Variants in RADIL observed in about 807,000 individuals in gnomAD.
RADIL encodes ras-associating and dilute domain-containing protein.
A neutral mutation model predicts 97.6 loss-of-function variants in RADIL; 99 were observed. The observed-to-expected ratio is 1.01, with a 90% confidence interval of 0.86 to 1.20. The LOEUF (loss-of-function observed/expected upper bound fraction) is 1.20. Among genes scored for constraint, RADIL ranks in the 50% most tolerant of loss-of-function variants. RADIL has a pLI of 0.00. For missense variants in RADIL, 1,765 were observed against 1,498.9 expected, an observed-to-expected ratio of 1.18 and a Z score of -2.93; for synonymous variants, 803 against 691.8, an observed-to-expected ratio of 1.16 and a Z score of -2.52.
intron 4 of RADIL, among the ~76,000 whole-genome samples, chr7:4,833,061 C>T (rs1490037351): frequency 6.6e-6 from 1 of 152,170 alleles, no homozygotes; most frequent in African/African-American, 2.4e-5. Context: ...GCCTCTGTTT[C>T]AGAGCCTGTA....
In RADIL at chr7:4,819,672, C is replaced by T. The variant is rs1037095174; in HGVS notation, c.1616-2321G>A. ...TGACAACAGCCACGTGACCCACCCT[C>T]GGGACGCGACAGCCCTGCTCTCCGA... On this transcript the variant is annotated intron_variant, in intron 6 of 14. Coordinates refer to ENST00000399583, the MANE Select transcript of RADIL (RefSeq NM_018059.5). The surrounding 1 kb of genome is among the most constrained non-coding windows in gnomAD (Gnocchi z 5.8). Among the ~76,000 whole-genome samples, 9 of 152,212 alleles carry T rather than the reference C, an allele frequency of 5.9e-5. No homozygotes were observed. Among genetic ancestry groups the T allele is most frequent in the East Asian group, 1.9e-4 (1 of 5,186 alleles).
chr7:4,834,186 G>A lies in RADIL; in HGVS notation c.1416+421C>T, dbSNP rs1031556387. 3.9e-5 allele frequency among the ~76,000 whole-genome samples: 6 copies of A among 152,178 alleles called. No individual in the cohort carries two copies. Among genetic ancestry groups the A allele is most frequent in the Non-Finnish European group, 8.8e-5 (6 of 68,034 alleles). ...CGGCCCCTGGCAGCAAGCACAGGGCGCCGGCACACACAGGGGCTTCTGGGG... is the reference window on the plus strand; with the variant it reads ...CGGCCCCTGGCAGCAAGCACAGGGCACCGGCACACACAGGGGCTTCTGGGG... On this transcript the variant is annotated intron_variant, in intron 4 of 14. Coordinates refer to ENST00000399583, the MANE Select transcript of RADIL (RefSeq NM_018059.5). This position sits in a 1 kb window ranked among gnomAD's most constrained non-coding sequence, Gnocchi z 6.0.
chr7:4,838,916 G>A (rs577571950), intron 2 of RADIL, among the ~76,000 whole-genome samples: 6 of 152,360 alleles, frequency 3.9e-5, no homozygotes, highest in African/African-American at 1.4e-4. Context: ...GGAACAGCCA[G>A]CAGGACCCGT....
At position 4,819,587 on chromosome 7, in the gene RADIL, G is replaced by A. The variant is rs1028667768; in HGVS notation, c.1616-2236C>T. Among the ~76,000 whole-genome samples the A allele has an allele frequency of 2.0e-5, 3 of 152,200 alleles. No homozygotes were observed. Among genetic ancestry groups the A allele is most frequent in the Non-Finnish European group, 4.4e-5 (3 of 68,032 alleles). ...AGGAGAATCTGAGGCGCACACGATG[G>A]TGTGAGGCGGCGCGGGAGGGGCCTG... On this transcript the variant is annotated intron_variant, in intron 6 of 14. Coordinates refer to ENST00000399583, the MANE Select transcript of RADIL (RefSeq NM_018059.5). The surrounding 1 kb of genome is among the most constrained non-coding windows in gnomAD (Gnocchi z 5.8).
Position 4,815,590 on chromosome 7 carries a change from C to A in RADIL, c.1967-140G>T, listed in dbSNP as rs1782656465. 1.0e-6 allele frequency: 1 copy of A among 990,848 alleles called. No homozygotes were observed. Among genetic ancestry groups the A allele is most frequent in the African/African-American group, 1.7e-5 (1 of 60,056 alleles). 61.4% of individuals were successfully genotyped at this position (990,848 alleles called of 1,614,324 possible). On this transcript the variant is annotated intron_variant, in intron 8 of 14. Coordinates refer to ENST00000399583, the MANE Select transcript of RADIL (RefSeq NM_018059.5). This position sits in a 1 kb window ranked among gnomAD's most constrained non-coding sequence, Gnocchi z 8.0. ...CTCGATGACAGGCAGGACACCTTCC[C>A]TCGGTTTTCAAGGCAACTGACCAGC...
Position 4,868,354 on chromosome 7 carries a change from G to A in RADIL, c.535+9251C>T, listed in dbSNP as rs571981346. The stretch of plus-strand genomic sequence containing the variant: ...CGGGATTACAGGTGTGAGCCACCTT[G>A]CCCGGCCATGAACTGTTGTTTTTTA... On this transcript the variant is annotated intron_variant, in intron 2 of 14. Transcript: ENST00000399583. 1.8e-4 allele frequency among the ~76,000 whole-genome samples: 27 copies of A among 152,318 alleles called. No homozygotes were observed. In the South Asian group the frequency reaches 5.2e-3, roughly 29 times the overall value.
At chr7:4,844,247 C>T (rs1241969196) in intron 2 of RADIL, among the ~76,000 whole-genome samples, 1 of 152,066 alleles carries the variant, frequency 6.6e-6, no homozygotes, top group East Asian at 1.9e-4. Flanking sequence ...AGATCGAGAC[C>T]ATCCTGGCCA....
rs530221968 is a variant in RADIL at position 4,817,772 on chromosome 7, C to T, written c.1616-421G>A. Among the ~76,000 whole-genome samples, 1 of 152,354 alleles carries T rather than the reference C, an allele frequency of 6.6e-6. No individual in the cohort carries two copies. Among genetic ancestry groups the T allele is most frequent in the Non-Finnish European group, 1.5e-5 (1 of 68,032 alleles). Reference sequence around the variant, plus strand: ...CAGCAGCCCCTGAGTGGCCGCCACTCTGTGGAATCATAAGTCTTTTGGGAA... The same window carrying T: ...CAGCAGCCCCTGAGTGGCCGCCACTTTGTGGAATCATAAGTCTTTTGGGAA... On this transcript the variant is annotated intron_variant, in intron 6 of 14. Transcript: ENST00000399583. The surrounding 1 kb of genome is among the most constrained non-coding windows in gnomAD (Gnocchi z 8.3).
At chr7:4,801,352 G>C (rs992800800) in intron 12 of RADIL, among the ~76,000 whole-genome samples, 5 of 152,186 alleles carry the variant, frequency 3.3e-5, no homozygotes, top group African/African-American at 1.2e-4. Flanking sequence ...CACTGGCTCA[G>C]CCATCCCTTC....
intron 9 of RADIL, chr7:4,808,907 C>G: frequency 4.3e-6 from 4 of 919,950 alleles, no homozygotes; most frequent in Non-Finnish European, 5.0e-6. Context: ...TCCGACGCCA[C>G]TGCCCCCCCA....
intron 2 of RADIL, among the ~76,000 whole-genome samples, chr7:4,862,418 T>C (rs959442384): frequency 1.3e-5 from 2 of 152,204 alleles, no homozygotes; most frequent in African/African-American, 4.8e-5. Flanking sequence ...GGGCAGCATT[T>C]CGAGGTCGAC....
Position 4,832,132 on chromosome 7 carries a change from C to CATACT in RADIL, c.1454+4_1454+8dup, listed in dbSNP as rs1262494286. 6 of 1,607,342 alleles carry CATACT rather than the reference C, an allele frequency of 3.7e-6. No individual in the cohort carries two copies. The highest frequency in any genetic ancestry group is 5.1e-6 in the Non-Finnish European group (6 of 1,175,534). On this transcript the variant is annotated intron_variant, in intron 5 of 14. Coordinates refer to ENST00000399583, the MANE Select transcript of RADIL (RefSeq NM_018059.5). The stretch of plus-strand genomic sequence containing the variant: ...CCAGAGGCGGGCACAATAACCGGGT[C>CATACT]ATACTCACAGTTGCGCCTGCTTCTC...
chr7:4,848,386 T>A (rs10229247), intron 2 of RADIL, among the ~76,000 whole-genome samples: 69,151 of 151,702 alleles, frequency 0.46, 16,212 homozygotes, highest in African/African-American at 0.55. Context: ...AAGACATTTC[T>A]TTACGTCATA....
chr7:4,832,138 C>T lies in RADIL; in HGVS notation c.1454+3G>A, dbSNP rs1023283145. 11 of 1,608,892 alleles carry T rather than the reference C, an allele frequency of 6.8e-6. No individual in the cohort carries two copies. The highest frequency in any genetic ancestry group is 7.6e-6 in the Non-Finnish European group (9 of 1,176,718). On this transcript the variant is annotated splice_donor_region_variant and intron_variant, in intron 5 of 14. Coordinates refer to ENST00000399583, the MANE Select transcript of RADIL (RefSeq NM_018059.5). Reference sequence around the variant, plus strand: ...GCGGGCACAATAACCGGGTCATACTCACAGTTGCGCCTGCTTCTCTGCTAG... The same window carrying T: ...GCGGGCACAATAACCGGGTCATACTTACAGTTGCGCCTGCTTCTCTGCTAG...
intron 9 of RADIL, 198 bp from the exon 10 acceptor site, chr7:4,805,914 G>A (rs1782290516): frequency 1.0e-6 from 1 of 985,374 alleles, no homozygotes; most frequent in African/African-American, 1.7e-5. Flanking sequence ...AGCTGCTCCA[G>A]GGAGAGGCCG....
intron 5 of RADIL, among the ~76,000 whole-genome samples, chr7:4,828,041 C>T (rs889480411): frequency 1.3e-5 from 2 of 152,202 alleles, no homozygotes; most frequent in Non-Finnish European, 2.9e-5. Flanking sequence ...CACCTCACTC[C>T]TGTTAGAATG....
intron 2 of RADIL, among the ~76,000 whole-genome samples, chr7:4,847,682 A>C (rs1213870143): frequency 3.5e-5 from 5 of 142,050 alleles, no homozygotes; most frequent in African/African-American, 5.2e-5. Flanking sequence ...AATACTGATG[A>C]TACCTCTTAC....
intron 2 of RADIL, among the ~76,000 whole-genome samples, chr7:4,865,273 C>T (rs1372541582): frequency 4.6e-5 from 7 of 152,154 alleles, no homozygotes; most frequent in African/African-American, 7.2e-5. Context: ...CAGTCATGTA[C>T]ATTATGACAT....
At chr7:4,861,060 C>A in intron 2 of RADIL, 4 of 1,614,198 alleles carry the variant, frequency 2.5e-6, no homozygotes, top group Non-Finnish European at 3.4e-6. Context: ...ACTAGCATGG[C>A]CCAGGAAACA....
Sources: allele counts gnomAD v4.1 joint callset (sites outside exome capture counted in the v4.1 genomes callset), GRCh38; gene constraint gnomAD v4.1.1; non-coding constraint Gnocchi (gnomAD v3.1); transcripts MANE v1.5; gene names NCBI Gene and HGNC (gene_info 2026-07-23, HGNC 2026-07-21).